AIM2: variants seen among roughly 807,000 people sequenced by gnomAD.
AIM2 encodes absent in melanoma 2.
In AIM2, 30 loss-of-function variants were observed where a neutral mutation model predicts 27.7. The observed-to-expected ratio is 1.08, with a 90% CI of 0.81 to 1.47. AIM2 has a LOEUF of 1.47. Among genes scored for constraint, AIM2 ranks in the 40% most tolerant of loss-of-function variants. AIM2 has a pLI of 0.00. For synonymous variants in AIM2, 141 were observed against 145.3 expected (o/e 0.97, Z 0.21); for missense variants, 358 against 411.3 (o/e 0.87, Z 1.12).
chr1:159,082,080 GAGA>G (rs1180701627), intron 1 of AIM2, among the ~76,000 whole-genome samples: 1 of 152,132 alleles, frequency 6.6e-6, no homozygotes, highest in Non-Finnish European at 1.5e-5. Flanking sequence ...ACCAAGGAGA[GAGA>G]AGATCCTAAA....
chr1:159,088,745 G>C (rs144780653), intron 1 of AIM2, among the ~76,000 whole-genome samples: 202 of 152,158 alleles, frequency 1.3e-3, no homozygotes, highest in African/African-American at 4.5e-3. Context: ...AGAAGAGGAA[G>C]AGAGACCTGA....
intron 1 of AIM2, among the ~76,000 whole-genome samples, chr1:159,139,263 C>G (rs1648067720): frequency 6.6e-6 from 1 of 152,320 alleles, no homozygotes; most frequent in South Asian, 2.1e-4. Context: ...ATCCTGCCAG[C>G]TAGAAAACTC....
At chr1:159,073,043 A>C (rs913382965) in intron 2 of AIM2, among the ~76,000 whole-genome samples, 195 bp downstream of exon 2, 5 of 152,226 alleles carry the variant, frequency 3.3e-5, no homozygotes, top group Admixed American at 1.3e-4. Flanking sequence ...AAAGGCTGGA[A>C]TGGATTTGTG....
chr1:159,123,232 C>G (rs942823394), intron 1 of AIM2, among the ~76,000 whole-genome samples: 1 of 152,172 alleles, frequency 6.6e-6, no homozygotes, highest in African/African-American at 2.4e-5. Flanking sequence ...AAAATACTCT[C>G]TGCATTTCCC....
At chr1:159,102,099 C>T (rs1657325274) in intron 1 of AIM2, among the ~76,000 whole-genome samples, 1 of 152,172 alleles carries the variant, frequency 6.6e-6, no homozygotes, top group Non-Finnish European at 1.5e-5. Context: ...CCAGGTGCCC[C>T]CTGCTCTATG....
chr1:159,118,651 G>A lies in AIM2; in HGVS notation c.-16+21780C>T, dbSNP rs138877701. Reference sequence around the variant, plus strand: ...TAGCAAATATTCTATTTCCTAAAATGTTTTTACCTAATGGTTCCAAAATTC... The same window carrying A: ...TAGCAAATATTCTATTTCCTAAAATATTTTTACCTAATGGTTCCAAAATTC... On this transcript the variant is annotated intron_variant, in intron 1 of 2. Transcript: ENST00000368129. 1.4e-3 allele frequency among the ~76,000 whole-genome samples: 216 copies of A among 152,178 alleles called. 1 individual carries two copies. Among genetic ancestry groups the A allele is most frequent in the South Asian group, 0.01 (50 of 4,830 alleles).
chr1:159,065,588 C>A (rs947934104), intron 4 of AIM2, among the ~76,000 whole-genome samples: 13 of 152,130 alleles, frequency 8.5e-5, no homozygotes, highest in African/African-American at 2.9e-4. Context: ...AAGATAATCA[C>A]AACTATAGTC....
At chr1:159,131,806 T>C (rs1647893587) in intron 1 of AIM2, among the ~76,000 whole-genome samples, 1 of 152,224 alleles carries the variant, frequency 6.6e-6, no homozygotes, top group African/African-American at 2.4e-5. Flanking sequence ...AATCTATTTC[T>C]TATTAATGGT....
chr1:159,084,903 C>A (rs1433738121), intron 1 of AIM2, among the ~76,000 whole-genome samples: 1 of 151,286 alleles, frequency 6.6e-6, no homozygotes, highest in East Asian at 1.9e-4. Flanking sequence ...ACAGAAAAAA[C>A]AAAAATGTGT....
chr1:159,058,425 T>C (rs987624877), downstream of AIM2, among the ~76,000 whole-genome samples: 2 of 150,706 alleles, frequency 1.3e-5, no homozygotes, highest in African/African-American at 4.9e-5. Context: ...CATGGGCCCA[T>C]GGCAGTAAAC....
rs1412108671 is a variant in AIM2 at position 159,068,683 on chromosome 1, G to T, written c.281C>A (p.Ser94Ter). Residue 94 changes from serine (S) to a stop codon, truncating the protein, a stop_gained, in exon 3 of 6, where the codon TCG becomes TAG. Coordinates refer to ENST00000368130, the MANE Select transcript of AIM2 (RefSeq NM_004833.3). LOFTEE classifies it high-confidence loss of function. ...EKEKVDKQYK[S>*]VTKPKPLSQA... Reference sequence around the variant, plus strand: ...ACTTAGTGGCTTTGGTTTTGTTACCGATTTGTATTGCTTATCAACTGATTA... The same window carrying T: ...ACTTAGTGGCTTTGGTTTTGTTACCTATTTGTATTGCTTATCAACTGATTA... 1.9e-6 allele frequency: 3 copies of T among 1,613,758 alleles called. No homozygotes were observed. The highest frequency in any genetic ancestry group is 2.2e-5 in the South Asian group (2 of 91,054).
chr1:159,096,757 T>C (rs969321636), intron 1 of AIM2, among the ~76,000 whole-genome samples: 4 of 151,992 alleles, frequency 2.6e-5, no homozygotes, highest in Admixed American at 2.6e-4. Flanking sequence ...TATTTGTAGG[T>C]ACCAGCAGGC....
At chr1:159,107,331 T>TGTGTGTGCGC (rs1337639775) in intron 1 of AIM2, among the ~76,000 whole-genome samples, 4 of 150,264 alleles carry the variant, frequency 2.7e-5, no homozygotes, top group African/African-American at 9.8e-5. Context: ...TGTGTGTGTG[T>TGTGTGTGCGC]GCGCGCACTA....
At chr1:159,144,761 G>A (rs1332552429), upstream of AIM2, among the ~76,000 whole-genome samples, 1 of 152,106 alleles carries the variant, frequency 6.6e-6, no homozygotes, top group East Asian at 1.9e-4. Context: ...CATTCACAAG[G>A]TGTTGCTGGG....
chr1:159,132,436 G>C (rs1647912483), intron 1 of AIM2: 1 of 152,136 alleles, frequency 6.6e-6, no homozygotes, highest in Non-Finnish European at 1.5e-5. Flanking sequence ...TTTAGAGTTT[G>C]CATTGGAAAA....
In AIM2 at chr1:159,111,487, G is replaced by A. The variant is rs972835362; in HGVS notation, c.-16+28944C>T. Among the ~76,000 whole-genome samples the A allele has an allele frequency of 4.6e-5, 7 of 152,046 alleles. 1 individual carries two copies. Among genetic ancestry groups the A allele is most frequent in the Admixed American group, 4.6e-4 (7 of 15,258 alleles). ...CACCTCAATTAAAAAGAGAGAAAGA[G>A]AACTTGCTCCTAAACAGTTACACAA... On this transcript the variant is annotated intron_variant, in intron 1 of 2. Coordinates refer to the AIM2 transcript ENST00000368129.
upstream of AIM2, among the ~76,000 whole-genome samples, chr1:159,079,739 G>T (rs867853001): frequency 6.6e-6 from 1 of 152,120 alleles, no homozygotes; most frequent in South Asian, 2.1e-4. Context: ...TACACTTGGT[G>T]TTGTACATTC....
chr1:159,113,013 C>T (rs893058119), intron 1 of AIM2, among the ~76,000 whole-genome samples: 5 of 151,672 alleles, frequency 3.3e-5, no homozygotes, highest in Admixed American at 6.6e-5. Context: ...GGCGCGATCT[C>T]GGCTCACTGC....
chr1:159,085,287 G>A (rs942826012), intron 1 of AIM2, among the ~76,000 whole-genome samples: 1 of 152,192 alleles, frequency 6.6e-6, no homozygotes, highest in Non-Finnish European at 1.5e-5. Flanking sequence ...CTGAGTTGGG[G>A]ACGTGAGAAT....
Sources: gnomAD v4.1 joint callset for allele counts (sites outside exome capture counted in the v4.1 genomes callset) on GRCh38, gnomAD v4.1.1 for gene constraint, MANE v1.5 for transcripts, NCBI Gene and HGNC (gene_info 2026-07-23, HGNC 2026-07-21) for gene names.